The following PDE8B variants were observed in gnomAD, a reference collection of about 807,000 sequenced individuals.
The protein encoded by PDE8B is phosphodiesterase 8B, also known as high affinity cAMP-specific and IBMX-insensitive 3',5'-cyclic phosphodiesterase 8B.
A neutral mutation model predicts 101.3 loss-of-function variants in PDE8B; 26 were observed. The ratio of observed to expected loss-of-function variants is 0.26; its 90% CI spans 0.19 to 0.36. The LOEUF is 0.36. Among genes scored for constraint, PDE8B ranks in the 10% least tolerant of loss-of-function variants. The pLI is 1.00. For missense variants in PDE8B, 810 were observed against 1,163.1 expected (o/e 0.70, Z 4.42); for synonymous variants, 424 against 429.3 (o/e 0.99, Z 0.15).
chr5:77,126,257 C>G, the PDE8B span, among the ~76,000 whole-genome samples: 1 of 151,768 alleles, frequency 6.6e-6, no homozygotes, highest in African/African-American at 2.4e-5. Flanking sequence ...TACATTCCAG[C>G]CTGGGCGACA....
the PDE8B span, chr5:77,140,985 TA>T: frequency 6.6e-6 from 1 of 152,164 alleles, no homozygotes; most frequent in African/African-American, 2.4e-5. Flanking sequence ...TATAGATATA[TA>T]AAAAAATTTT....
chr5:77,121,594 G>A, the PDE8B span, among the ~76,000 whole-genome samples: 4 of 149,052 alleles, frequency 2.7e-5, no homozygotes, highest in Admixed American at 6.8e-5. Context: ...TGCAACCTCC[G>A]CCTCCCGGGT....
At chr5:77,326,906 A>G (rs1776155823) in intron 3 of PDE8B, among the ~76,000 whole-genome samples, 1 of 152,248 alleles carries the variant, frequency 6.6e-6, no homozygotes, top group Admixed American at 6.5e-5. Context: ...ACAGGAAGAA[A>G]TCTTTTAATT....
At position 77,314,108 on chromosome 5, in the gene PDE8B, T is replaced by C. The variant is rs550760790; in HGVS notation, c.399+2055T>C. Among the ~76,000 whole-genome samples, 22 of 152,306 alleles carry C rather than the reference T, an allele frequency of 1.4e-4. No individual in the cohort carries two copies. In the South Asian group the frequency reaches 4.3e-3, roughly 30 times the overall value. On this transcript the variant is annotated intron_variant, in intron 2 of 21. Transcript: ENST00000264917. Reference sequence around the variant, plus strand: ...TGTTTATGGTGTGAGGTAGGGGCTTTATTTTTATCTAGTTGTCTTAGCAGC... The same window carrying C: ...TGTTTATGGTGTGAGGTAGGGGCTTCATTTTTATCTAGTTGTCTTAGCAGC...
chr5:77,158,555 A>G, the PDE8B span, among the ~76,000 whole-genome samples: 1 of 152,176 alleles, frequency 6.6e-6, no homozygotes, highest in Non-Finnish European at 1.5e-5. Flanking sequence ...ATTTGTATAA[A>G]CTGGAGAAGG....
chr5:77,307,080 T>TA (rs1771392403), intron 1 of PDE8B, among the ~76,000 whole-genome samples: 1 of 152,130 alleles, frequency 6.6e-6, no homozygotes, highest in South Asian at 2.1e-4. Context: ...GCTTAGAGAT[T>TA]AAAAAAGAGA....
chr5:77,207,472 TTTAC>T (rs1747593917), upstream of PDE8B, among the ~76,000 whole-genome samples: 1 of 152,216 alleles, frequency 6.6e-6, no homozygotes, highest in Admixed American at 6.5e-5. Context: ...TCTGATTTAG[TTTAC>T]TTTCTTTTGA....
At chr5:77,165,661 C>G in the PDE8B span, among the ~76,000 whole-genome samples, 30 of 152,164 alleles carry the variant, frequency 2.0e-4, no homozygotes, top group African/African-American at 7.0e-4. Context: ...ATCCATGTAG[C>G]AGATAGATAT....
chr5:77,395,574 C>T (rs895791582), intron 10 of PDE8B, among the ~76,000 whole-genome samples: 11 of 151,726 alleles, frequency 7.2e-5, no homozygotes, highest in Admixed American at 3.9e-4. Flanking sequence ...TTTGACTCTC[C>T]GTTTTGCCAT....
chr5:77,389,281 C>T (rs1019763046), intron 10 of PDE8B, among the ~76,000 whole-genome samples: 1 of 152,124 alleles, frequency 6.6e-6, no homozygotes, highest in African/African-American at 2.4e-5. Flanking sequence ...ATGTACCATT[C>T]CTCAGGGCAC....
intron 1 of PDE8B, among the ~76,000 whole-genome samples, chr5:77,257,112 ATACT>A (rs1759344368): frequency 6.6e-6 from 1 of 152,198 alleles, no homozygotes; most frequent in Non-Finnish European, 1.5e-5. Flanking sequence ...CATTTCAGAA[ATACT>A]TAGTACATCC....
At chr5:77,414,831 A>AAT (rs35116180) in intron 17 of PDE8B, among the ~76,000 whole-genome samples, 15,186 of 152,170 alleles carry the variant, frequency 0.1, 844 homozygotes, top group South Asian at 0.15. Context: ...CAAGGTGATC[A>AAT]ATAGCCTCTG....
At chr5:77,352,887 G>A (rs948468871) in intron 9 of PDE8B, among the ~76,000 whole-genome samples, 6 of 152,178 alleles carry the variant, frequency 3.9e-5, no homozygotes, top group African/African-American at 1.4e-4. Context: ...ATCTGCCTGA[G>A]AAGTGCCATT....
intron 1 of PDE8B, among the ~76,000 whole-genome samples, chr5:77,268,778 A>C (rs1212327276): frequency 6.6e-6 from 1 of 151,256 alleles, no homozygotes; most frequent in Admixed American, 6.6e-5. Flanking sequence ...GGATAAAGAA[A>C]ATGTGGTAAC....
intron 1 of PDE8B, among the ~76,000 whole-genome samples, chr5:77,296,179 CT>C (rs1768520835): frequency 1.3e-5 from 2 of 151,878 alleles, no homozygotes; most frequent in East Asian, 1.9e-4. Context: ...CTTTTTTCTT[CT>C]TTTTTTCTTC....
At chr5:77,362,609 T>C (rs1783320201) in intron 10 of PDE8B, among the ~76,000 whole-genome samples, 2 of 152,228 alleles carry the variant, frequency 1.3e-5, no homozygotes, top group Admixed American at 6.5e-5. Flanking sequence ...CCAGTCCTCA[T>C]TGTGAAGGGC....
the PDE8B span, among the ~76,000 whole-genome samples, chr5:77,136,419 G>A: frequency 3.4e-3 from 515 of 152,316 alleles, 4 homozygotes; most frequent in African/African-American, 0.011. Context: ...TAAATGACAA[G>A]TCTGTGGGCT....
intron 1 of PDE8B, among the ~76,000 whole-genome samples, chr5:77,257,173 G>A (rs372411475): frequency 2.0e-5 from 3 of 152,268 alleles, no homozygotes; most frequent in African/African-American, 7.2e-5. Context: ...GAACAGAGAA[G>A]AGAAGTACAA....
At chr5:77,249,982 C>T (rs780133760) in intron 1 of PDE8B, among the ~76,000 whole-genome samples, 5 of 152,216 alleles carry the variant, frequency 3.3e-5, no homozygotes, top group East Asian at 1.9e-4. Flanking sequence ...CTTATGCACA[C>T]GTCCCTGTTA....
Sources: allele counts gnomAD v4.1 joint callset (sites outside exome capture counted in the v4.1 genomes callset), GRCh38; gene constraint gnomAD v4.1.1; transcripts MANE v1.5; gene names NCBI Gene and HGNC (gene_info 2026-07-23, HGNC 2026-07-21).